The following ARHGAP44 variants were observed in gnomAD, a reference collection of about 807,000 sequenced individuals.
The protein encoded by ARHGAP44 is rho GTPase-activating protein 44.
ARHGAP44 carries 43 observed loss-of-function variants against 106.8 expected under a neutral mutation model. The observed-to-expected ratio is 0.40, with a 90% CI of 0.32 to 0.52. The LOEUF is 0.52. Ranked by LOEUF, ARHGAP44 falls within the 20% of genes least tolerant of loss-of-function variation. ARHGAP44 has a pLI of 0.48. For missense variants in ARHGAP44, 866 were observed against 1,050.5 expected, an observed-to-expected ratio of 0.82 and a Z score of 2.43; for synonymous variants, 439 against 410.3, an observed-to-expected ratio of 1.07 and a Z score of -0.85.
At chr17:12,913,339 C>G (rs1235400280) in intron 4 of ARHGAP44, among the ~76,000 whole-genome samples, 1 of 151,690 alleles carries the variant, frequency 6.6e-6, no homozygotes, top group Non-Finnish European at 1.5e-5. Context: ...ACGTAGAAAA[C>G]AAGCAAGCCA....
chr17:12,977,327 T>A (rs751134537), intron 18 of ARHGAP44, among the ~76,000 whole-genome samples: 1 of 152,166 alleles, frequency 6.6e-6, no homozygotes, highest in Non-Finnish European at 1.5e-5. Context: ...TTCCTGGATG[T>A]TTGCAGCCCA....
intron 1 of ARHGAP44, among the ~76,000 whole-genome samples, chr17:12,801,984 G>A (rs995713125): frequency 6.6e-6 from 1 of 152,084 alleles, no homozygotes; most frequent in Non-Finnish European, 1.5e-5. Context: ...GCCCTAAAAA[G>A]TCTAAGTACA....
chr17:12,839,930 T>G (rs1267192386), intron 1 of ARHGAP44, among the ~76,000 whole-genome samples: 1 of 152,190 alleles, frequency 6.6e-6, no homozygotes, highest in African/African-American at 2.4e-5. Flanking sequence ...GAGAAAGAAA[T>G]AACCGCCATT....
intron 1 of ARHGAP44, among the ~76,000 whole-genome samples, chr17:12,836,952 A>G (rs1394888690): frequency 6.6e-6 from 1 of 152,206 alleles, no homozygotes; most frequent in Non-Finnish European, 1.5e-5. Flanking sequence ...AGAATACTTC[A>G]CTCAACAATA....
intron 16 of ARHGAP44, among the ~76,000 whole-genome samples, chr17:12,970,717 A>C (rs1240997485): frequency 6.6e-6 from 1 of 152,234 alleles, no homozygotes; most frequent in Non-Finnish European, 1.5e-5. Flanking sequence ...AAGAAACAGC[A>C]GCAGTGCCTT....
chr17:12,940,460 G>A (rs1223605447), intron 7 of ARHGAP44, among the ~76,000 whole-genome samples: 1 of 152,162 alleles, frequency 6.6e-6, no homozygotes, highest in Non-Finnish European at 1.5e-5. Flanking sequence ...ACTGAATATA[G>A]TGAAGGATTG....
At chr17:12,919,147 A>C (rs1003103184) in intron 5 of ARHGAP44, among the ~76,000 whole-genome samples, 3 of 152,146 alleles carry the variant, frequency 2.0e-5, no homozygotes, top group Non-Finnish European at 2.9e-5. Context: ...ACTCACCATC[A>C]AAAAAAGAAA....
intron 16 of ARHGAP44, among the ~76,000 whole-genome samples, chr17:12,959,199 T>A (rs1018885181): frequency 6.6e-6 from 1 of 152,164 alleles, no homozygotes; most frequent in African/African-American, 2.4e-5. Context: ...CATACGCACT[T>A]TATTTGGAAT....
intron 16 of ARHGAP44, among the ~76,000 whole-genome samples, chr17:12,964,242 T>A (rs1225748959): frequency 6.6e-6 from 1 of 152,210 alleles, no homozygotes; most frequent in Non-Finnish European, 1.5e-5. Flanking sequence ...AAATCTACAG[T>A]CCCTTCTATT....
chr17:12,986,957 C>G, intron 20 of ARHGAP44: 1 of 736,108 alleles, frequency 1.4e-6, no homozygotes, highest in Non-Finnish European at 2.2e-6. Context: ...GTTCAGGTCT[C>G]TGAGCCAGTG....
In ARHGAP44 at chr17:12,818,847, C is replaced by A. The variant is rs185481339; in HGVS notation, c.53+28956C>A. Reference sequence around the variant, plus strand: ...AATCTGTTTATGATGTCATTTCTCCCCATATTGATCTATAGGTTTCGTGCA... The same window carrying A: ...AATCTGTTTATGATGTCATTTCTCCACATATTGATCTATAGGTTTCGTGCA... On this transcript the variant is annotated intron_variant, in intron 1 of 20. Transcript: ENST00000379672. Among the ~76,000 whole-genome samples the A allele has an allele frequency of 1.5e-3, 225 of 152,112 alleles. 1 individual carries two copies. Among genetic ancestry groups the A allele is most frequent in the South Asian group, 7.3e-3 (35 of 4,826 alleles).
Position 12,979,609 on chromosome 17 carries a change from A to G in ARHGAP44, c.1764-449A>G, listed in dbSNP as rs535116325. On this transcript the variant is annotated intron_variant, in intron 18 of 20. Coordinates refer to ENST00000379672, the MANE Select transcript of ARHGAP44 (RefSeq NM_014859.6). ...TGGAGAGCTGGGCCACAAGCTTGGCAGCAGGAGTCCGTGTCATCAGCACTC... is the reference window on the plus strand; with the variant it reads ...TGGAGAGCTGGGCCACAAGCTTGGCGGCAGGAGTCCGTGTCATCAGCACTC... 4.6e-5 allele frequency among the ~76,000 whole-genome samples: 7 copies of G among 152,340 alleles called. No homozygotes were observed. The East Asian group carries it at 1.2e-3, about 25-fold the overall frequency.
intron 1 of ARHGAP44, among the ~76,000 whole-genome samples, chr17:12,875,868 C>T (rs973116279): frequency 3.3e-5 from 5 of 152,096 alleles, no homozygotes; most frequent in East Asian, 1.9e-4. Flanking sequence ...CACTTGAACC[C>T]GGGAGGTGGA....
intron 18 of ARHGAP44, among the ~76,000 whole-genome samples, chr17:12,976,612 CAAAA>C (rs59099893): frequency 1.5e-4 from 13 of 85,072 alleles, no homozygotes; most frequent in South Asian, 3.9e-4. Flanking sequence ...GACTCTGTGT[CAAAA>C]AAAAAAAAAA....
At chr17:12,865,259 A>G (rs1015647896) in intron 1 of ARHGAP44, among the ~76,000 whole-genome samples, 2 of 152,198 alleles carry the variant, frequency 1.3e-5, no homozygotes, top group African/African-American at 2.4e-5. Context: ...CAATAGAACA[A>G]TATCTGTAGA....
At chr17:12,916,665 G>A (rs920433502) in intron 5 of ARHGAP44, among the ~76,000 whole-genome samples, 3 of 152,208 alleles carry the variant, frequency 2.0e-5, no homozygotes, top group Admixed American at 6.5e-5. Context: ...GATTATAGGC[G>A]TGAGCCATCG....
intron 1 of ARHGAP44, 138 bp downstream of exon 1, chr17:12,790,029 C>G: frequency 1.3e-6 from 1 of 761,174 alleles, no homozygotes; most frequent in Non-Finnish European, 2.0e-6. Flanking sequence ...CTCCAGGCGC[C>G]GCTCGCAGGC....
At chr17:12,972,707 G>A (rs538311470) in intron 16 of ARHGAP44, among the ~76,000 whole-genome samples, 2 of 150,888 alleles carry the variant, frequency 1.3e-5, no homozygotes, top group Non-Finnish European at 3.0e-5. Flanking sequence ...TGTCACCCAG[G>A]CTGGAGTGCA....
At chr17:12,979,939 A>T in intron 18 of ARHGAP44, 119 bp from the exon 19 acceptor site, 1 of 1,112,422 alleles carries the variant, frequency 9.0e-7, no homozygotes, top group Non-Finnish European at 1.3e-6. Flanking sequence ...AAGACAGACC[A>T]GAGCTGGGAC....
Sources: allele counts gnomAD v4.1 joint callset (sites outside exome capture counted in the v4.1 genomes callset), GRCh38; gene constraint gnomAD v4.1.1; transcripts MANE v1.5; gene names NCBI Gene and HGNC (gene_info 2026-07-23, HGNC 2026-07-21).